The following TPM1 variants were observed in gnomAD, a reference collection of about 807,000 sequenced individuals.
TPM1 encodes the protein tropomyosin alpha-1 chain.
In TPM1, 24 loss-of-function variants were observed where a neutral mutation model predicts 42.9. The ratio of observed to expected loss-of-function variants is 0.56; its 90% confidence interval spans 0.41 to 0.79. TPM1 has a LOEUF of 0.79. TPM1 is among the 30% of genes least tolerant of loss of function. TPM1 has a pLI of 0.00. For missense variants in TPM1, 158 were observed against 351.8 expected (o/e 0.45, Z 4.41); for synonymous variants, 136 against 130.1 (o/e 1.05, Z -0.31).
At chr15:63,046,617 C>A (rs1437272328) in intron 2 of TPM1, 1 of 152,526 alleles carries the variant, frequency 6.6e-6, no homozygotes, top group Non-Finnish European at 1.5e-5. Context: ...TGTCTTTCCA[C>A]CTAAGTCAAA....
exon 9 of TPM1, chr15:63,071,513 A>G (rs2036604894): frequency 5.6e-6 from 2 of 359,294 alleles, no homozygotes; most frequent in South Asian, 2.2e-5. Flanking sequence ...TGTTGGAAAC[A>G]CAATCAGGTG....
chr15:63,064,244 C>CT, intron 9 of TPM1, 102 bp downstream of exon 9: 1 of 1,550,148 alleles, frequency 6.5e-7, no homozygotes, highest in Non-Finnish European at 8.7e-7. Context: ...TCTTTGCACT[C>CT]TTGTGTTCAC....
At chr15:63,066,245 G>T, downstream of TPM1, 1 of 1,177,628 alleles carries the variant, frequency 8.5e-7, no homozygotes, top group South Asian at 2.2e-5. Flanking sequence ...ATTATATCAG[G>T]AGTTTCTAAA....
chr15:63,063,250 C>T (rs1330641850), intron 8 of TPM1: 1 of 984,886 alleles, frequency 1.0e-6, no homozygotes, highest in Non-Finnish European at 1.2e-6. Context: ...TAGCTGTGAA[C>T]AAGAAAGAAA....
At chr15:63,069,004 T>A (rs1293892233), downstream of TPM1, among the ~76,000 whole-genome samples, 1 of 151,516 alleles carries the variant, frequency 6.6e-6, no homozygotes, top group African/African-American at 2.4e-5. Context: ...ACAAAAAAAA[T>A]TAGCCAGGCG....
rs1060499913 is a variant in TPM1, at chr15:63,048,578, G to A, written c.240+4426G>A. ...CCGCCCGCCTACCGTCCGGCGCGAT[G>A]GCGGGGAGTAGCTCGCTGGAGGCGG... On this transcript the variant is annotated intron_variant, in intron 2 of 9. Transcript: ENST00000403994. 2 of 1,527,716 alleles carry A rather than the reference G, an allele frequency of 1.3e-6. No homozygotes were observed. The highest frequency in any genetic ancestry group is 1.8e-6 in the Non-Finnish European group (2 of 1,140,730). The allele number at this position is 1,527,716 out of a possible 1,614,324, so 94.6% of individuals were successfully genotyped here.
At chr15:63,051,441 AT>A (rs1185034149) in intron 2 of TPM1, among the ~76,000 whole-genome samples, 9 of 151,718 alleles carry the variant, frequency 5.9e-5, no homozygotes, top group Non-Finnish European at 1.3e-4. Context: ...GTTCTCCCTC[AT>A]TATACAAATA....
chr15:63,044,263 T>C (rs1458432901), intron 2 of TPM1, 111 bp downstream of exon 2: 60 of 1,517,770 alleles, frequency 4.0e-5, no homozygotes, highest in Non-Finnish European at 5.4e-5. Context: ...GCTGGACACC[T>C]GCACACAGCC....
downstream of TPM1, chr15:63,070,304 A>ATGTG (rs775945347): frequency 4.7e-4 from 372 of 790,590 alleles, no homozygotes; most frequent in East Asian, 0.014. Context: ...ATATATATAT[A>ATGTG]TATGTGTGTG....
exon 9 of TPM1, chr15:63,071,381 T>C: frequency 1.9e-6 from 1 of 528,936 alleles, no homozygotes. Context: ...TTTCCCGGGT[T>C]GATGCTGCCA....
intron 9 of TPM1, 189 bp from the exon 10 acceptor site, chr15:63,065,707 G>T: frequency 1.0e-6 from 1 of 963,014 alleles, no homozygotes; most frequent in Non-Finnish European, 1.2e-6. Context: ...CTTGCCGAAA[G>T]GCGGCCTGTG....
chr15:63,046,124 C>T (rs1385494251), intron 2 of TPM1: 1 of 152,176 alleles, frequency 6.6e-6, no homozygotes, highest in Admixed American at 6.5e-5. Context: ...CTACTAAACA[C>T]CTAGGCTACA....
At chr15:63,061,022 A>G (rs2035546317) in intron 5 of TPM1, 83 bp downstream of exon 5, 6 of 1,557,494 alleles carry the variant, frequency 3.9e-6, no homozygotes, top group South Asian at 1.1e-5. Context: ...GCAGCTGCAC[A>G]TTACCTGTTT....
chr15:63,059,659 T>C lies in TPM1; in HGVS notation c.471T>C (p.Asp157=). ...QLKEAKHIAE[D]ADRKYEEVAR... is the part of the protein sequence containing the mutation. ...AAGAGGCCAAGCACATTGCTGAAGA[T>C]GCCGACCGCAAATATGAAGAGGTCA... Residue 157 remains aspartate (D), a synonymous_variant, in exon 4 of 10, where the codon GAT becomes GAC. Coordinates refer to ENST00000403994, the MANE Select transcript of TPM1 (RefSeq NM_001018005.2). The C allele has an allele frequency of 6.2e-7, 1 of 1,610,994 alleles. No individual in the cohort carries two copies.
intron 2 of TPM1, among the ~76,000 whole-genome samples, chr15:63,053,672 G>GT (rs2034295064): frequency 9.1e-6 from 1 of 110,206 alleles, no homozygotes; most frequent in Non-Finnish European, 1.8e-5. Context: ...CTGGAAGTTT[G>GT]ATTTTTTTTT....
intron 2 of TPM1, chr15:63,045,094 T>C (rs2032097824): frequency 6.6e-6 from 1 of 152,146 alleles, no homozygotes; most frequent in Non-Finnish European, 1.5e-5. Flanking sequence ...CTTGGGAAGT[T>C]GGTAACAATT....
intron 2 of TPM1, among the ~76,000 whole-genome samples, chr15:63,053,703 C>T (rs1450170666): frequency 8.7e-6 from 1 of 114,784 alleles, no homozygotes. Context: ...GTTTTTGAGA[C>T]AAGAGTCTTG....
downstream of TPM1, among the ~76,000 whole-genome samples, chr15:63,068,085 T>TC (rs1047889256): frequency 1.3e-5 from 2 of 152,158 alleles, no homozygotes; most frequent in African/African-American, 4.8e-5. Context: ...TGAGACAAGC[T>TC]CCCCACCCAT....
chr15:63,043,517 G>A, intron 1 of TPM1: 2 of 893,670 alleles, frequency 2.2e-6, no homozygotes, highest in Non-Finnish European at 3.6e-6. Flanking sequence ...CCCAGGGCAG[G>A]TGGGTGTGCG....
Sources: allele counts gnomAD v4.1 joint callset (sites outside exome capture counted in the v4.1 genomes callset), GRCh38; gene constraint gnomAD v4.1.1; transcripts MANE v1.5; gene names NCBI Gene and HGNC (gene_info 2026-07-23, HGNC 2026-07-21).